Variants in ENTREP1 observed in about 807,000 individuals in gnomAD.
ENTREP1 encodes endosomal transmembrane epsin interactor 1, also known as Friedreich ataxia region gene X123.
the ENTREP1 span, among the ~76,000 whole-genome samples, chr9:69,390,854 T>C: frequency 0.013 from 2,015 of 152,058 alleles, 58 homozygotes; most frequent in African/African-American, 0.046. Flanking sequence ...TTGTCCAGGC[T>C]GGTCTAGAAC....
the ENTREP1 span, among the ~76,000 whole-genome samples, chr9:69,343,737 G>A: frequency 6.6e-6 from 1 of 152,108 alleles, no homozygotes; most frequent in Non-Finnish European, 1.5e-5. Context: ...ATTAAACAAG[G>A]TAATAATTTC....
the ENTREP1 span, among the ~76,000 whole-genome samples, chr9:69,389,862 G>A: frequency 1.3e-5 from 2 of 152,082 alleles, no homozygotes; most frequent in African/African-American, 4.8e-5. Flanking sequence ...CCCCAGGCAG[G>A]TTAAAACTTC....
the ENTREP1 span, among the ~76,000 whole-genome samples, chr9:69,332,345 G>A: frequency 0.031 from 4,767 of 152,268 alleles, 76 homozygotes; most frequent in Middle Eastern, 0.068. Context: ...TGTAAAGAGC[G>A]GTGGCTTACA....
At chr9:69,384,475 T>G in the ENTREP1 span, among the ~76,000 whole-genome samples, 2 of 152,238 alleles carry the variant, frequency 1.3e-5, no homozygotes, top group Non-Finnish European at 1.5e-5. Context: ...TCCTATTAAT[T>G]AAAATTAGCT....
chr9:69,340,625 ATG>A, the ENTREP1 span, among the ~76,000 whole-genome samples: 1 of 63,792 alleles, frequency 1.6e-5, no homozygotes, highest in Admixed American at 1.5e-4. Flanking sequence ...GTGTGTGTGC[ATG>A]TGTGTGTGCG....
chr9:69,325,455 C>CT, the ENTREP1 span: 1 of 940,220 alleles, frequency 1.1e-6, no homozygotes, highest in Non-Finnish European at 1.3e-6. Context: ...CCCCGGGGCG[C>CT]GCTGCAGCCC....
At chr9:69,348,502 G>A in the ENTREP1 span, among the ~76,000 whole-genome samples, 30 of 152,084 alleles carry the variant, frequency 2.0e-4, no homozygotes, top group African/African-American at 6.3e-4. Flanking sequence ...TGGATTTTTA[G>A]CCTATTCCCA....
the ENTREP1 span, among the ~76,000 whole-genome samples, chr9:69,336,879 T>C: frequency 6.6e-6 from 1 of 152,046 alleles, no homozygotes; most frequent in Admixed American, 6.6e-5. Flanking sequence ...CTTGTATTTT[T>C]AGTAGAGACG....
At chr9:69,347,612 T>C in the ENTREP1 span, among the ~76,000 whole-genome samples, 36,415 of 152,064 alleles carry the variant, frequency 0.24, 4,676 homozygotes, top group East Asian at 0.34. Context: ...CCTTGGACAT[T>C]GTAATTACTG....
chr9:69,360,102 G>T, the ENTREP1 span, among the ~76,000 whole-genome samples: 2 of 151,894 alleles, frequency 1.3e-5, no homozygotes, highest in African/African-American at 4.8e-5. Flanking sequence ...CCAATGGGCT[G>T]GAAATTAAAC....
At chr9:69,352,437 ATGTC>A in the ENTREP1 span, among the ~76,000 whole-genome samples, 2 of 152,126 alleles carry the variant, frequency 1.3e-5, no homozygotes, top group African/African-American at 4.8e-5. Flanking sequence ...AGATTTTTGA[ATGTC>A]TGTTGATCCT....
the ENTREP1 span, among the ~76,000 whole-genome samples, chr9:69,367,824 AAT>A: frequency 2.9e-4 from 34 of 118,570 alleles, no homozygotes; most frequent in East Asian, 6.8e-4. Flanking sequence ...CATATATATA[AAT>A]ATATATATAC....
chr9:69,333,964 C>G, the ENTREP1 span, among the ~76,000 whole-genome samples: 1 of 152,230 alleles, frequency 6.6e-6, no homozygotes, highest in Non-Finnish European at 1.5e-5. Context: ...TCTGAGGAAT[C>G]ACTGTCATCA....
the ENTREP1 span, among the ~76,000 whole-genome samples, chr9:69,337,922 C>T: frequency 1.8e-4 from 28 of 152,108 alleles, no homozygotes; most frequent in African/African-American, 5.1e-4. Context: ...TGCTAGGCAA[C>T]GGGCAATCAA....
the ENTREP1 span, among the ~76,000 whole-genome samples, chr9:69,375,392 GA>G: frequency 6.6e-6 from 1 of 152,224 alleles, no homozygotes; most frequent in African/African-American, 2.4e-5. Context: ...TTTTGGGGAA[GA>G]GTGGGACTCA....
At chr9:69,387,773 C>A in the ENTREP1 span, 3 of 606,914 alleles carry the variant, frequency 4.9e-6, no homozygotes, top group South Asian at 5.8e-5. Context: ...ACTTCATCCT[C>A]GCTCCTTGGA....
the ENTREP1 span, among the ~76,000 whole-genome samples, chr9:69,364,124 A>G: frequency 6.6e-6 from 1 of 152,342 alleles, no homozygotes; most frequent in South Asian, 2.1e-4. Context: ...CTGCTCCTGC[A>G]AAGAGGAAAT....
At chr9:69,383,688 G>A in the ENTREP1 span, 12 of 1,614,030 alleles carry the variant, frequency 7.4e-6, no homozygotes, top group Non-Finnish European at 9.3e-6. Context: ...AATCAAAGGT[G>A]TGGAAGTGTT....
At chr9:69,385,780 TTTTTTTTA>T in the ENTREP1 span, 633 of 1,364,490 alleles carry the variant, frequency 4.6e-4, no homozygotes, top group African/African-American at 1.0e-2. Flanking sequence ...TTTTTTTTTT[TTTTTTTTA>T]AATCAGATGG....
Sources: allele counts gnomAD v4.1 joint callset (sites outside exome capture counted in the v4.1 genomes callset), GRCh38; gene constraint gnomAD v4.1.1; transcripts MANE v1.5; gene names NCBI Gene and HGNC (gene_info 2026-07-23, HGNC 2026-07-21).